Variants in PAXIP1 observed in about 807,000 individuals in gnomAD.
PAXIP1 encodes PAX-interacting protein 1.
Under a neutral mutation model 140.6 loss-of-function variants are expected in PAXIP1, and 19 were observed. That is an observed-to-expected ratio of 0.14 (90% CI 0.09 to 0.20). The LOEUF (loss-of-function observed/expected upper bound fraction) is 0.20. PAXIP1 is among the 10% of genes least tolerant of loss of function. The pLI is 1.00. For missense variants in PAXIP1, 920 were observed against 1,208.6 expected (o/e 0.76, Z 3.54); for synonymous variants, 442 against 444.6 (o/e 0.99, Z 0.07).
intron 2 of PAXIP1, among the ~76,000 whole-genome samples, chr7:154,996,055 G>A (rs1278511739): frequency 6.6e-6 from 1 of 152,156 alleles, no homozygotes; most frequent in Non-Finnish European, 1.5e-5. Context: ...AAAATGCATT[G>A]TCAAACTTCC....
In PAXIP1 at chr7:154,963,841, G is replaced by A. The variant is rs1194595673; in HGVS notation, c.1894-75C>T. 3.3e-6 allele frequency: 3 copies of A among 915,356 alleles called. No individual in the cohort carries two copies. Among genetic ancestry groups the A allele is most frequent in the Non-Finnish European group, 1.8e-6 (1 of 564,718 alleles). The allele number at this position is 915,356 out of a possible 1,614,324, so 56.7% of individuals were successfully genotyped here. On this transcript the variant is annotated intron_variant, in intron 8 of 20. Transcript: ENST00000404141. This position sits in a 1 kb window ranked among gnomAD's most constrained non-coding sequence, Gnocchi z 4.1. Reference sequence around the variant, plus strand: ...GAGAATTCCAATTTCAAATAAGGCAGCTATTAAAAGACTCTATCATATATT... The same window carrying A: ...GAGAATTCCAATTTCAAATAAGGCAACTATTAAAAGACTCTATCATATATT...
chr7:154,996,789 T>A (rs1335299032), intron 2 of PAXIP1, among the ~76,000 whole-genome samples: 1 of 152,190 alleles, frequency 6.6e-6, no homozygotes, highest in African/African-American at 2.4e-5. Flanking sequence ...TTGGCTTACG[T>A]ATCGATTCAT....
Position 154,957,241 on chromosome 7 carries a change from A to C in PAXIP1, c.2532T>G (p.Pro844=), listed in dbSNP as rs777142527. ...ACTCATACCTGGCTCTTTTGGAAGAAGGCTGGACATTAGCTACTTCATTCT... is the reference window on the plus strand; with the variant it reads ...ACTCATACCTGGCTCTTTTGGAAGACGGCTGGACATTAGCTACTTCATTCT... ...LKQNEVANVQ[P]SSKRARIEDV... Residue 844 remains proline (P), a synonymous_variant, in exon 14 of 21, where the codon CCT becomes CCG. Transcript: ENST00000404141. The C allele has an allele frequency of 1.2e-6, 2 of 1,605,810 alleles. No homozygotes were observed. The highest frequency in any genetic ancestry group is 1.7e-6 in the Non-Finnish European group (2 of 1,174,094).
intron 6 of PAXIP1, among the ~76,000 whole-genome samples, chr7:154,970,723 C>T (rs1253968458): frequency 6.6e-6 from 1 of 152,158 alleles, no homozygotes. Flanking sequence ...GCCTGGTGGG[C>T]ACCAGCCATG....
intron 12 of PAXIP1, among the ~76,000 whole-genome samples, chr7:154,960,391 G>A (rs972594761): frequency 2.6e-5 from 4 of 152,192 alleles, no homozygotes; most frequent in South Asian, 4.1e-4. Context: ...GAGGACAGAC[G>A]TCAATTCTAG....
intron 1 of PAXIP1, chr7:155,001,867 A>C (rs921957286): frequency 3.9e-5 from 6 of 152,274 alleles, no homozygotes; most frequent in South Asian, 2.1e-4. Context: ...CAAGAAGGCC[A>C]AGATCACTCA....
Position 154,946,020 on chromosome 7 carries a change from C to T in PAXIP1, c.3194+345G>A. ...GAACTAAATTTCATTTGGAAAACTA[C>T]AAACTCAAAGGTGAGCTGATAAAAA... On this transcript the variant is annotated intron_variant, in intron 20 of 20. Coordinates refer to ENST00000404141, the MANE Select transcript of PAXIP1 (RefSeq NM_007349.4). The surrounding 1 kb of genome is among the most constrained non-coding windows in gnomAD (Gnocchi z 4.9). The T allele has an allele frequency of 1.0e-6, 1 of 984,716 alleles. No individual in the cohort carries two copies. The highest frequency in any genetic ancestry group is 1.2e-6 in the Non-Finnish European group (1 of 829,294). The allele number at this position is 984,716 out of a possible 1,614,324, so 61.0% of individuals were successfully genotyped here. A position where few individuals can be genotyped will look rare whatever the true frequency, so the allele number is the denominator to read the frequency against.
Position 154,946,864 on chromosome 7 carries a change from T to C in PAXIP1, c.2923-51A>G, listed in dbSNP as rs1410778328. ...TTATGTTCTTAAAATGCTTTAATTT[T>C]TAGAGTACATAATTCTCATAGATTC... On this transcript the variant is annotated intron_variant, in intron 17 of 20. Coordinates refer to ENST00000404141, the MANE Select transcript of PAXIP1 (RefSeq NM_007349.4). This position sits in a 1 kb window ranked among gnomAD's most constrained non-coding sequence, Gnocchi z 4.9. The C allele has an allele frequency of 1.5e-6, 2 of 1,358,794 alleles. No individual in the cohort carries two copies. Among genetic ancestry groups the C allele is most frequent in the Non-Finnish European group, 2.0e-6 (2 of 984,680 alleles). The allele number at this position is 1,358,794 out of a possible 1,614,324, so 84.2% of individuals were successfully genotyped here.
intron 5 of PAXIP1, among the ~76,000 whole-genome samples, chr7:154,977,036 T>C (rs1244747044): frequency 1.3e-5 from 2 of 152,164 alleles, no homozygotes; most frequent in East Asian, 1.9e-4. Context: ...GAAAGCCCCG[T>C]TGAAAGGTGA....
intron 5 of PAXIP1, among the ~76,000 whole-genome samples, chr7:154,981,230 T>TCACTGTACGCCGCAAGCAG (rs552789594): frequency 3.9e-4 from 60 of 152,326 alleles, no homozygotes; most frequent in African/African-American, 1.3e-3. Flanking sequence ...AGGACTTCCT[T>TCACTGTACGCCGCAAGCAG]CACTGTACGC....
At chr7:154,977,904 C>T (rs1487616011) in intron 5 of PAXIP1, among the ~76,000 whole-genome samples, 1 of 151,216 alleles carries the variant, frequency 6.6e-6, no homozygotes, top group Admixed American at 6.6e-5. Context: ...TTTTAATGTA[C>T]ATTTTCGAAC....
intron 1 of PAXIP1, among the ~76,000 whole-genome samples, chr7:154,999,552 C>T (rs1031900666): frequency 1.3e-5 from 2 of 152,064 alleles, no homozygotes; most frequent in African/African-American, 4.8e-5. Context: ...TCCTGATGGG[C>T]AGAAAGGAGG....
In PAXIP1 at chr7:154,976,227, A is replaced by G. The variant is rs553441734; in HGVS notation, c.543T>C (p.Tyr181=). 6 of 1,613,968 alleles carry G rather than the reference A, an allele frequency of 3.7e-6. No individual in the cohort carries two copies. Among genetic ancestry groups the G allele is most frequent in the South Asian group, 3.3e-5 (3 of 91,078 alleles). ...SEKTKKDEAF[Y]HPRLIIYEEE... is the part of the protein sequence containing the mutation. ...CTTCATAAATAATCAGACGAGGATG[A>G]TAAAATGCTTCGTCCTTTTTGGTTT... The change falls in exon 6 of 21, where the codon TAT becomes TAC. Residue 181 remains tyrosine (Y), a synonymous_variant. Transcript: ENST00000404141.
chr7:154,948,017 C>G lies in PAXIP1; in HGVS notation c.2822-14G>C. On this transcript the variant is annotated splice_polypyrimidine_tract_variant and intron_variant, in intron 16 of 20. Transcript: ENST00000404141. ...AGTTCTGCTCATCTGGAAAACAGAA[C>G]AGCACATACTCTGAAAAGTGTGGAC... 2 of 1,562,764 alleles carry G rather than the reference C, an allele frequency of 1.3e-6. No individual in the cohort carries two copies. The highest frequency in any genetic ancestry group is 1.4e-5 in the African/African-American group (1 of 73,906).
chr7:154,984,035 T>G (rs1809958618), intron 4 of PAXIP1, among the ~76,000 whole-genome samples: 1 of 152,220 alleles, frequency 6.6e-6, no homozygotes, highest in Admixed American at 6.5e-5. Context: ...GTGCTTTATC[T>G]ATACAGCTAA....
chr7:154,992,375 C>T (rs1190972360), intron 3 of PAXIP1, among the ~76,000 whole-genome samples: 6 of 152,080 alleles, frequency 3.9e-5, no homozygotes, highest in Non-Finnish European at 5.9e-5. Flanking sequence ...GGTGAAACCC[C>T]GTCTCTACTA....
intron 14 of PAXIP1, among the ~76,000 whole-genome samples, chr7:154,955,901 C>T (rs1808488695): frequency 6.6e-6 from 1 of 152,122 alleles, no homozygotes. Context: ...TTCATCAATC[C>T]CCTCCTGATT....
rs144270522 is a variant in PAXIP1, at chr7:154,996,320, C to T, written c.216+2330G>A. Reference sequence around the variant, plus strand: ...TACAGGTGCTGTCAAAAATTACAAGCAGGCTGGAATGCTACTGGGTACAGA... The same window carrying T: ...TACAGGTGCTGTCAAAAATTACAAGTAGGCTGGAATGCTACTGGGTACAGA... On this transcript the variant is annotated intron_variant, in intron 2 of 20. Coordinates refer to ENST00000404141, the MANE Select transcript of PAXIP1 (RefSeq NM_007349.4). 9.2e-5 allele frequency among the ~76,000 whole-genome samples: 14 copies of T among 152,292 alleles called. No individual in the cohort carries two copies. The East Asian group carries it at 2.3e-3, about 25-fold the overall frequency.
At chr7:154,975,588 TAA>T in intron 6 of PAXIP1, 106 bp downstream of exon 6, 1 of 694,598 alleles carries the variant, frequency 1.4e-6, no homozygotes, top group Non-Finnish European at 2.4e-6. Flanking sequence ...ATACTGCTTG[TAA>T]GTTATTTGGT....
Sources: allele counts gnomAD v4.1 joint callset (sites outside exome capture counted in the v4.1 genomes callset), GRCh38; gene constraint gnomAD v4.1.1; non-coding constraint Gnocchi (gnomAD v3.1); transcripts MANE v1.5; gene names NCBI Gene and HGNC (gene_info 2026-07-23, HGNC 2026-07-21).